BYSL: variants seen among roughly 807,000 people sequenced by gnomAD.
BYSL encodes bystin.
BYSL carries 21 observed loss-of-function variants against 45.4 expected under a neutral mutation model. That is an observed-to-expected ratio of 0.46 (90% CI 0.33 to 0.67). The LOEUF (loss-of-function observed/expected upper bound fraction) is 0.67, where lower values mean the gene tolerates loss of function less well. BYSL is among the 30% of genes least tolerant of loss of function. BYSL has a pLI of 0.02. For synonymous variants in BYSL, 215 were observed against 231.3 expected (o/e 0.93, Z 0.64); for missense variants, 522 against 578.5 (o/e 0.90, Z 1.00).
upstream of BYSL, chr6:41,917,061 C>T: frequency 9.6e-7 from 1 of 1,042,846 alleles, no homozygotes; most frequent in Non-Finnish European, 1.4e-6. Context: ...ATTACCTACT[C>T]TGACCGTCTC....
At position 41,921,526 on chromosome 6, in the gene BYSL, C is replaced by T; in HGVS notation, c.-37C>T. 1 of 1,544,766 alleles carries T rather than the reference C, an allele frequency of 6.5e-7. No homozygotes were observed. ...GCGCATCCTGGCCTTTCTTCAGTCC[C>T]CACGTGCGATCCTTCCCGGCAACTT... On this transcript the variant is annotated 5_prime_UTR_variant, in exon 1 of 7. Coordinates refer to ENST00000230340, the MANE Select transcript of BYSL (RefSeq NM_004053.4).
At chr6:41,911,656 C>T in the BYSL span, among the ~76,000 whole-genome samples, 5 of 152,052 alleles carry the variant, frequency 3.3e-5, no homozygotes, top group Non-Finnish European at 5.9e-5. Flanking sequence ...ACATTCTAGA[C>T]GGGGGTAAGA....
At chr6:41,922,907 G>A (rs985738820) in intron 1 of BYSL, among the ~76,000 whole-genome samples, 17 of 152,178 alleles carry the variant, frequency 1.1e-4, no homozygotes, top group African/African-American at 4.1e-4. Context: ...ATTTGCTCGA[G>A]ATAAACTTTA....
intron 4 of BYSL, 128 bp downstream of exon 4, chr6:41,930,896 T>C (rs1216814205): frequency 5.4e-6 from 7 of 1,284,894 alleles, no homozygotes; most frequent in Middle Eastern, 2.8e-4. Flanking sequence ...TGTGCTACTT[T>C]ATAGCATCAT....
chr6:41,925,233 A>G (rs1775546299), intron 1 of BYSL, among the ~76,000 whole-genome samples: 1 of 152,180 alleles, frequency 6.6e-6, no homozygotes, highest in African/African-American at 2.4e-5. Flanking sequence ...TGTTTATCAC[A>G]CACTGCCTTT....
At chr6:41,925,489 G>T (rs1230667542) in intron 1 of BYSL, among the ~76,000 whole-genome samples, 1 of 142,922 alleles carries the variant, frequency 7.0e-6, no homozygotes, top group Non-Finnish European at 1.5e-5. Flanking sequence ...TCAGCCTCCC[G>T]AGTAGCTGGG....
upstream of BYSL, chr6:41,917,067 G>A (rs143380770): frequency 2.8e-5 from 27 of 975,390 alleles, no homozygotes; most frequent in South Asian, 4.0e-5. Context: ...TACTCTGACC[G>A]TCTCCCAATC....
chr6:41,932,457 G>A lies in BYSL; in HGVS notation c.1065G>A (p.Arg355=). 6.2e-7 allele frequency: 1 copy of A among 1,614,160 alleles called. No individual in the cohort carries two copies. The highest frequency in any genetic ancestry group is 8.5e-7 in the Non-Finnish European group (1 of 1,180,026). The stretch of plus-strand genomic sequence containing the variant: ...ATAAGAAGTATGCACTGCCTTACCG[G>A]GTGCTGGATGCCCTAGTCTTCCACT... ...LLDKKYALPY[R]VLDALVFHFL... Residue 355 remains arginine, a synonymous_variant, in exon 7 of 7, where the codon CGG becomes CGA. Transcript: ENST00000230340. The surrounding 1 kb of genome is among the most constrained non-coding windows in gnomAD (Gnocchi z 4.7).
In BYSL at chr6:41,930,265, C is replaced by T. The variant is rs781261246; in HGVS notation, c.565C>T (p.Arg189Trp). 6.2e-6 allele frequency: 10 copies of T among 1,613,794 alleles called. No individual in the cohort carries two copies. Among genetic ancestry groups the T allele is most frequent in the Admixed American group, 1.7e-5 (1 of 59,986 alleles). ...GGTCCTAGAAGTGTACAGGGGGGTC[C>T]GGGAGGTAAGAGCTGAGAGGGGAGC... ...PRVLEVYRGV[R>W]EVLSKYRSGK... is the part of the protein sequence containing the mutation. Residue 189 changes from arginine (R) to tryptophan (W), a missense_variant, in exon 3 of 7, where the codon CGG becomes TGG. Coordinates refer to ENST00000230340, the MANE Select transcript of BYSL (RefSeq NM_004053.4).
rs1453281798 is a variant in BYSL, at chr6:41,932,272, G to GA, written c.969-82dup. 3.0e-6 allele frequency: 4 copies of GA among 1,322,594 alleles called. No individual in the cohort carries two copies. Among genetic ancestry groups the GA allele is most frequent in the Non-Finnish European group, 4.2e-6 (4 of 951,236 alleles). The allele number at this position is 1,322,594 out of a possible 1,614,324, so 81.9% of individuals were successfully genotyped here. ...TAGTGTAAGGGCCAGCAGAGGGGAA[G>GA]AAAAAAAGGGGAAAGCATAGAGGGA... is the stretch of plus-strand genomic sequence containing the variant. On this transcript the variant is annotated intron_variant, in intron 6 of 6. Transcript: ENST00000230340. This position sits in a 1 kb window ranked among gnomAD's most constrained non-coding sequence, Gnocchi z 4.7.
chr6:41,919,672 AT>A (rs528253203), upstream of BYSL, among the ~76,000 whole-genome samples: 35 of 152,280 alleles, frequency 2.3e-4, 1 homozygote, highest in South Asian at 7.0e-3. Context: ...GCTCATGTCT[AT>A]AATGCCAATA....
At chr6:41,917,214 A>G (rs574880786), upstream of BYSL, among the ~76,000 whole-genome samples, 4 of 152,236 alleles carry the variant, frequency 2.6e-5, no homozygotes, top group South Asian at 8.3e-4. Context: ...AGCCTGGCCA[A>G]CATGGTGAAA....
At chr6:41,926,433 G>GTTTAT (rs1775564436) in intron 1 of BYSL, among the ~76,000 whole-genome samples, 1 of 151,774 alleles carries the variant, frequency 6.6e-6, no homozygotes, top group East Asian at 1.9e-4. Context: ...CCATAAGAAG[G>GTTTAT]TTTATTTTAT....
At chr6:41,921,362 T>C, upstream of BYSL, 1 of 667,802 alleles carries the variant, frequency 1.5e-6, no homozygotes, top group South Asian at 2.0e-5. Flanking sequence ...AGGCAGTGAA[T>C]ATATTCGGGA....
the BYSL span, chr6:41,912,860 A>G: frequency 6.6e-6 from 1 of 152,080 alleles, no homozygotes. Context: ...TAATCTCAAC[A>G]CTTCAGGAGG....
upstream of BYSL, chr6:41,918,052 G>A (rs1775360766): frequency 1.1e-5 from 3 of 269,898 alleles, no homozygotes; most frequent in South Asian, 9.7e-5. Flanking sequence ...TCCTCCTATG[G>A]TGAGTGAACC....
chr6:41,916,751 G>GCA (rs770651327), upstream of BYSL: 1 of 1,610,648 alleles, frequency 6.2e-7, no homozygotes, highest in Non-Finnish European at 8.5e-7. Context: ...CTCCAAGCCT[G>GCA]GTTCCAGCCA....
At chr6:41,926,879 A>C (rs1443370511) in intron 1 of BYSL, among the ~76,000 whole-genome samples, 1 of 150,934 alleles carries the variant, frequency 6.6e-6, no homozygotes, top group African/African-American at 2.4e-5. Context: ...GCGGATCACG[A>C]GGTCAAGAGA....
Position 41,923,822 on chromosome 6 carries a change from G to A in BYSL, c.268+1992G>A, listed in dbSNP as rs1337540984. Among the ~76,000 whole-genome samples, 4 of 152,190 alleles carry A rather than the reference G, an allele frequency of 2.6e-5. No individual in the cohort carries two copies. The East Asian group carries it at 7.7e-4, about 29-fold the overall frequency. On this transcript the variant is annotated intron_variant, in intron 1 of 6. Transcript: ENST00000230340. ...TATGATCTGCCTCCTTTGCCAGTCT[G>A]ACCTCTTCTACTGCTTTCCTCTTTG...
Sources: allele counts gnomAD v4.1 joint callset (sites outside exome capture counted in the v4.1 genomes callset), GRCh38; gene constraint gnomAD v4.1.1; non-coding constraint Gnocchi (gnomAD v3.1); transcripts MANE v1.5; gene names NCBI Gene and HGNC (gene_info 2026-07-23, HGNC 2026-07-21).